Variants in SYN3 observed in about 807,000 individuals in gnomAD.
SYN3 encodes the protein synapsin-3.
A neutral mutation model predicts 65.8 loss-of-function variants in SYN3; 35 were observed. That is an observed-to-expected ratio of 0.53 (90% CI 0.41 to 0.70). The LOEUF (loss-of-function observed/expected upper bound fraction) is 0.70. SYN3 is among the 30% of genes least tolerant of loss of function. The pLI is 0.00. For missense variants in SYN3, 680 were observed against 749.0 expected (o/e 0.91, Z 1.08); for synonymous variants, 270 against 292.9 (o/e 0.92, Z 0.80).
chr22:32,730,238 C>T (rs1320150955), intron 6 of SYN3, among the ~76,000 whole-genome samples: 1 of 152,208 alleles, frequency 6.6e-6, no homozygotes, highest in Non-Finnish European at 1.5e-5. Context: ...ATCCCATTGG[C>T]CTGACTAAAC....
At chr22:32,808,348 C>T (rs130274) in intron 6 of SYN3, among the ~76,000 whole-genome samples, 33,792 of 151,996 alleles carry the variant, frequency 0.22, 4,014 homozygotes, top group East Asian at 0.34. Flanking sequence ...TTCTTGTTGC[C>T]TATGGATGGC....
intron 6 of SYN3, among the ~76,000 whole-genome samples, chr22:32,597,298 C>T (rs543472111): frequency 4.3e-5 from 6 of 140,224 alleles, no homozygotes; most frequent in African/African-American, 1.6e-4. Flanking sequence ...TCACTGCAAC[C>T]TTTGCCTCCA....
At chr22:32,531,524 G>A (rs1419044998) in intron 10 of SYN3, among the ~76,000 whole-genome samples, 1 of 152,196 alleles carries the variant, frequency 6.6e-6, no homozygotes, top group East Asian at 1.9e-4. Flanking sequence ...TTTTTCCAGT[G>A]AGCAATGTCA....
chr22:32,685,798 A>C (rs1475090226), intron 6 of SYN3, among the ~76,000 whole-genome samples: 1 of 152,240 alleles, frequency 6.6e-6, no homozygotes, highest in Non-Finnish European at 1.5e-5. Context: ...ATTTCTAAGA[A>C]GTTGTCTTAA....
intron 1 of SYN3, among the ~76,000 whole-genome samples, chr22:33,023,790 C>G (rs889257428): frequency 1.3e-5 from 2 of 152,182 alleles, no homozygotes; most frequent in African/African-American, 4.8e-5. Context: ...CAAGTGTCAC[C>G]TGGGCCCCTC....
chr22:32,918,795 A>T (rs1001971841), intron 4 of SYN3, among the ~76,000 whole-genome samples: 4 of 152,204 alleles, frequency 2.6e-5, no homozygotes, highest in Admixed American at 2.6e-4. Flanking sequence ...TGCTTTACAC[A>T]TACCACATCT....
At chr22:32,975,842 C>A (rs1188450334) in intron 3 of SYN3, among the ~76,000 whole-genome samples, 1 of 152,196 alleles carries the variant, frequency 6.6e-6, no homozygotes, top group Non-Finnish European at 1.5e-5. Context: ...GTAATCATTT[C>A]CTAATGAGGA....
chr22:32,818,422 C>T (rs2146040374), intron 6 of SYN3, among the ~76,000 whole-genome samples: 1 of 152,246 alleles, frequency 6.6e-6, no homozygotes, highest in African/African-American at 2.4e-5. Flanking sequence ...AAATGGGACC[C>T]CAGGCCTGGC....
chr22:32,541,797 A>G, intron 7 of SYN3, 84 bp from the exon 8 acceptor site: 5 of 1,480,722 alleles, frequency 3.4e-6, no homozygotes, highest in Middle Eastern at 1.8e-4. Flanking sequence ...TGCTCTGTCT[A>G]TAGACACGAA....
At chr22:32,709,571 G>C (rs1180725392) in intron 6 of SYN3, among the ~76,000 whole-genome samples, 2 of 151,986 alleles carry the variant, frequency 1.3e-5, no homozygotes, top group Non-Finnish European at 2.9e-5. Context: ...TTAAAAGATA[G>C]AAAAAATTCC....
intron 6 of SYN3, among the ~76,000 whole-genome samples, chr22:32,640,966 A>T (rs995049068): frequency 2.6e-5 from 4 of 152,208 alleles, no homozygotes; most frequent in Non-Finnish European, 4.4e-5. Flanking sequence ...TCGGGCTTCA[A>T]GTCAGAAGGC....
At chr22:32,594,383 G>A (rs1373921175) in intron 7 of SYN3, among the ~76,000 whole-genome samples, 1 of 152,136 alleles carries the variant, frequency 6.6e-6, no homozygotes, top group East Asian at 1.9e-4. Flanking sequence ...TGACTGATGA[G>A]GAAACCAAGA....
chr22:32,603,813 C>G (rs2059323299), intron 6 of SYN3, among the ~76,000 whole-genome samples: 1 of 152,234 alleles, frequency 6.6e-6, no homozygotes, highest in African/African-American at 2.4e-5. Flanking sequence ...GCATCAGCCT[C>G]TCACAGGCTC....
intron 6 of SYN3, among the ~76,000 whole-genome samples, chr22:32,692,155 C>CAAAAAAAAAAAAAAAAAAAAAAAG (rs1188224009): frequency 2.9e-5 from 1 of 34,492 alleles, no homozygotes; most frequent in African/African-American, 1.9e-4. Flanking sequence ...GACAAAAAGA[C>CAAAAAAAAAAAAAAAAAAAAAAAG]AAAAAAAAAA....
chr22:32,877,740 G>A (rs141332474), intron 4 of SYN3, among the ~76,000 whole-genome samples: 4 of 151,984 alleles, frequency 2.6e-5, no homozygotes, highest in Middle Eastern at 3.4e-3. Flanking sequence ...GACACCCTCC[G>A]CCCTTGCTTC....
chr22:32,574,060 G>A (rs1309615314), intron 7 of SYN3, among the ~76,000 whole-genome samples: 2 of 151,934 alleles, frequency 1.3e-5, no homozygotes, highest in South Asian at 2.1e-4. Flanking sequence ...TTACAGGCAT[G>A]AGCCACTGAG....
chr22:32,647,937 C>T (rs1178751945), intron 6 of SYN3, among the ~76,000 whole-genome samples: 1 of 152,026 alleles, frequency 6.6e-6, no homozygotes, highest in African/African-American at 2.4e-5. Context: ...TGGAGTCTCA[C>T]TATCTTGTCC....
intron 6 of SYN3, among the ~76,000 whole-genome samples, chr22:32,815,038 C>G (rs2047050717): frequency 6.6e-6 from 1 of 152,192 alleles, no homozygotes; most frequent in Non-Finnish European, 1.5e-5. Flanking sequence ...GTATTTTACA[C>G]TCATAGCATA....
intron 4 of SYN3, among the ~76,000 whole-genome samples, chr22:32,879,499 T>TCTCATTGC (rs1301768870): frequency 6.6e-6 from 1 of 152,168 alleles, no homozygotes; most frequent in Non-Finnish European, 1.5e-5. Context: ...GATGGCACAT[T>TCTCATTGC]CTCATTGCGT....
Sources: gnomAD v4.1 joint callset for allele counts (sites outside exome capture counted in the v4.1 genomes callset) on GRCh38, gnomAD v4.1.1 for gene constraint, MANE v1.5 for transcripts, NCBI Gene and HGNC (gene_info 2026-07-23, HGNC 2026-07-21) for gene names.